Variants in IL1RAPL2 observed in about 807,000 individuals in gnomAD.
IL1RAPL2 encodes interleukin 1 receptor accessory protein like 2.
A neutral mutation model predicts 44.1 loss-of-function variants in IL1RAPL2; 3 were observed. That is an observed-to-expected ratio of 0.07 (90% CI 0.03 to 0.18). IL1RAPL2 has a LOEUF of 0.18. Among genes scored for constraint, IL1RAPL2 ranks in the 10% least tolerant of loss-of-function variants. IL1RAPL2 has a pLI of 1.00. For missense variants in IL1RAPL2, 391 were observed against 496.4 expected, an observed-to-expected ratio of 0.79 and a Z score of 2.02; for synonymous variants, 181 against 178.8, an observed-to-expected ratio of 1.01 and a Z score of -0.10.
chrX:104,949,266 C>T (rs767804627), intron 2 of IL1RAPL2, among the ~76,000 whole-genome samples: 3 of 109,820 alleles, frequency 2.7e-5, no homozygotes, highest in Non-Finnish European at 5.7e-5. Context: ...GTGGTGATAT[C>T]CCCTTTATCA....
At chrX:105,126,820 A>G (rs1271740322) in intron 2 of IL1RAPL2, among the ~76,000 whole-genome samples, 1 of 110,938 alleles carries the variant, frequency 9.0e-6, no homozygotes, top group East Asian at 2.8e-4. Flanking sequence ...TACCGACAAA[A>G]CATTTCTTTA....
chrX:105,270,300 C>G (rs1246652046), intron 5 of IL1RAPL2, among the ~76,000 whole-genome samples: 2 of 111,650 alleles, frequency 1.8e-5, no homozygotes, highest in Admixed American at 9.6e-5. Context: ...CACATGCACA[C>G]ACACACACTG....
chrX:105,061,286 C>G (rs1258685999), intron 2 of IL1RAPL2, among the ~76,000 whole-genome samples: 1 of 111,431 alleles, frequency 9.0e-6, no homozygotes, highest in Non-Finnish European at 1.9e-5. Context: ...TTCTTAATAT[C>G]TTCATTGACC....
intron 4 of IL1RAPL2, among the ~76,000 whole-genome samples, chrX:105,253,983 C>A (rs1466146199): frequency 8.9e-6 from 1 of 111,790 alleles, no homozygotes; most frequent in Non-Finnish European, 1.9e-5. Flanking sequence ...CGTGTCTTTG[C>A]TATTGTGAAT....
At chrX:104,587,763 G>T (rs919072704) in intron 1 of IL1RAPL2, among the ~76,000 whole-genome samples, 4 of 111,981 alleles carry the variant, frequency 3.6e-5, no homozygotes, top group African/African-American at 6.5e-5. Flanking sequence ...GCATGTAGTT[G>T]CAAAGTGACT....
intron 3 of IL1RAPL2, among the ~76,000 whole-genome samples, chrX:105,232,107 A>G (rs150497350): frequency 0.015 from 1,647 of 111,931 alleles, 32 homozygotes; most frequent in African/African-American, 0.049. Context: ...GGTTGCATCT[A>G]AACATCAGAA....
intron 1 of IL1RAPL2, chrX:104,647,217 G>T: frequency 5.8e-6 from 2 of 347,114 alleles, no homozygotes; most frequent in South Asian, 6.2e-5. Flanking sequence ...GACAGCTGGA[G>T]GAGGCAGGTA....
intron 2 of IL1RAPL2, among the ~76,000 whole-genome samples, chrX:105,074,411 T>C (rs1211213092): frequency 8.1e-5 from 9 of 111,771 alleles, no homozygotes; most frequent in Non-Finnish European, 1.9e-5. Context: ...ATCTCTGTTT[T>C]GGTACCAGTA....
At chrX:104,768,119 A>C (rs1932585834) in intron 2 of IL1RAPL2, among the ~76,000 whole-genome samples, 1 of 112,032 alleles carries the variant, frequency 8.9e-6, no homozygotes, top group African/African-American at 3.2e-5. Flanking sequence ...GCTAATTAAT[A>C]CATGCATCAC....
intron 5 of IL1RAPL2, among the ~76,000 whole-genome samples, chrX:105,455,144 C>T (rs1277569262): frequency 9.0e-6 from 1 of 111,710 alleles, no homozygotes; most frequent in Non-Finnish European, 1.9e-5. Context: ...AATAATAATC[C>T]TAAGGAAATA....
At chrX:105,743,443 A>G (rs2038516467) in intron 8 of IL1RAPL2, among the ~76,000 whole-genome samples, 1 of 111,249 alleles carries the variant, frequency 9.0e-6, no homozygotes, top group Non-Finnish European at 1.9e-5. Context: ...TCTGTCTGGA[A>G]CACTCTTGCC....
chrX:104,809,363 T>C (rs1047143835), intron 2 of IL1RAPL2, among the ~76,000 whole-genome samples: 2 of 111,621 alleles, frequency 1.8e-5, no homozygotes, highest in Non-Finnish European at 3.8e-5. Context: ...AGTGTTCCTA[T>C]TTCTCCACAT....
chrX:105,062,709 TA>T (rs946946037), intron 2 of IL1RAPL2, among the ~76,000 whole-genome samples: 3 of 111,618 alleles, frequency 2.7e-5, no homozygotes, highest in African/African-American at 9.7e-5. Context: ...TATACTATTC[TA>T]GGGTAAAAGT....
intron 6 of IL1RAPL2, among the ~76,000 whole-genome samples, chrX:105,540,641 TTC>T (rs1389464054): frequency 9.5e-6 from 1 of 105,303 alleles, no homozygotes; most frequent in Non-Finnish European, 1.9e-5. Flanking sequence ...TCCGTTGAAT[TTC>T]TGACTCATAT....
intron 1 of IL1RAPL2, among the ~76,000 whole-genome samples, chrX:104,650,511 CT>C (rs1021324509): frequency 4.5e-5 from 5 of 111,115 alleles, no homozygotes; most frequent in African/African-American, 1.6e-4. Context: ...TTCAGGCCGA[CT>C]GATGCTGTAG....
intron 2 of IL1RAPL2, among the ~76,000 whole-genome samples, chrX:104,675,515 C>A (rs1274638329): frequency 1.8e-5 from 2 of 110,971 alleles, no homozygotes; most frequent in Non-Finnish European, 3.8e-5. Flanking sequence ...AGCTTTACTT[C>A]CAAGTATGTG....
chrX:105,678,954 A>AAGAT (rs1371940534), intron 6 of IL1RAPL2, among the ~76,000 whole-genome samples: 5 of 111,875 alleles, frequency 4.5e-5, no homozygotes, highest in Non-Finnish European at 7.5e-5. Context: ...TGAAAAAGGC[A>AAGAT]AGATATTATT....
intron 5 of IL1RAPL2, among the ~76,000 whole-genome samples, chrX:105,475,849 GA>G (rs1431765666): frequency 1.8e-5 from 2 of 112,323 alleles, no homozygotes; most frequent in Admixed American, 9.4e-5. Flanking sequence ...AAATGGCATT[GA>G]GAAGAAATTG....
intron 3 of IL1RAPL2, among the ~76,000 whole-genome samples, chrX:105,210,455 A>T: frequency 9.0e-6 from 1 of 110,823 alleles, no homozygotes; most frequent in Non-Finnish European, 1.9e-5. Context: ...CCTCTAGTGG[A>T]CATTCGGCAA....
Sources: gnomAD v4.1 joint callset for allele counts (sites outside exome capture counted in the v4.1 genomes callset) on GRCh38, gnomAD v4.1.1 for gene constraint, MANE v1.5 for transcripts, NCBI Gene and HGNC (gene_info 2026-07-23, HGNC 2026-07-21) for gene names.